Variants in CNTNAP2 observed in about 807,000 individuals in gnomAD.
CNTNAP2 encodes the protein contactin-associated protein-like 2.
CNTNAP2 carries 98 observed loss-of-function variants against 155.2 expected under a neutral mutation model. That is an observed-to-expected ratio of 0.63 (90% CI 0.54 to 0.75). The LOEUF (loss-of-function observed/expected upper bound fraction) is 0.75, where lower values mean the gene tolerates loss of function less well. Among genes scored for constraint, CNTNAP2 ranks in the 30% least tolerant of loss-of-function variants. The probability of loss-of-function intolerance (pLI) is 0.00; values close to 1 mark genes in which losing one functional copy is unlikely to be tolerated. For missense variants in CNTNAP2, 1,727 were observed against 1,688.1 expected, an observed-to-expected ratio of 1.02 and a Z score of -0.40; for synonymous variants, 651 against 631.2, an observed-to-expected ratio of 1.03 and a Z score of -0.47.
chr7:146,578,585 T>C (rs534382716), intron 1 of CNTNAP2, among the ~76,000 whole-genome samples: 7 of 152,316 alleles, frequency 4.6e-5, no homozygotes, highest in African/African-American at 1.7e-4. Context: ...AATTTATTTC[T>C]ACTATATTTT....
At chr7:147,367,825 AGT>A (rs1455973071) in intron 9 of CNTNAP2, among the ~76,000 whole-genome samples, 1 of 152,044 alleles carries the variant, frequency 6.6e-6, no homozygotes, top group African/African-American at 2.4e-5. Context: ...AAGCCTGAAA[AGT>A]GGGAATCCTA....
At chr7:146,503,985 G>C (rs1266793833) in intron 1 of CNTNAP2, among the ~76,000 whole-genome samples, 2 of 152,162 alleles carry the variant, frequency 1.3e-5, no homozygotes, top group African/African-American at 4.8e-5. Flanking sequence ...GACAACAGTG[G>C]CTCAAAGCCA....
intron 1 of CNTNAP2, among the ~76,000 whole-genome samples, chr7:146,587,557 A>G (rs1798713010): frequency 6.6e-6 from 1 of 152,196 alleles, no homozygotes; most frequent in South Asian, 2.1e-4. Flanking sequence ...TATTTGGAAT[A>G]CCACCACAAA....
At chr7:146,763,622 T>C (rs748649362) in intron 1 of CNTNAP2, among the ~76,000 whole-genome samples, 4 of 152,160 alleles carry the variant, frequency 2.6e-5, no homozygotes, top group African/African-American at 9.7e-5. Flanking sequence ...TATATGTTAA[T>C]TGAAGAACAT....
intron 14 of CNTNAP2, among the ~76,000 whole-genome samples, chr7:147,906,025 C>T (rs1469849704): frequency 1.3e-5 from 2 of 152,022 alleles, no homozygotes; most frequent in African/African-American, 2.4e-5. Context: ...AAAGCAAGGG[C>T]CCTGGGACAC....
intron 8 of CNTNAP2, among the ~76,000 whole-genome samples, chr7:147,244,489 A>G (rs1804013317): frequency 3.3e-5 from 5 of 152,210 alleles, no homozygotes; most frequent in Admixed American, 3.3e-4. Context: ...TCTTGACAAT[A>G]TAAAGCAGTC....
At chr7:147,506,218 G>A (rs1003321125) in intron 11 of CNTNAP2, among the ~76,000 whole-genome samples, 9 of 152,048 alleles carry the variant, frequency 5.9e-5, no homozygotes, top group Non-Finnish European at 8.8e-5. Context: ...CCAAAGGCTC[G>A]GGTCCTTCAA....
intron 14 of CNTNAP2, among the ~76,000 whole-genome samples, chr7:147,920,798 C>T (rs969492801): frequency 1.4e-5 from 2 of 148,146 alleles, no homozygotes; most frequent in African/African-American, 5.0e-5. Context: ...TGTGCTTCTG[C>T]TCCTGTCTTT....
intron 1 of CNTNAP2, among the ~76,000 whole-genome samples, chr7:146,140,729 A>G (rs1797864621): frequency 6.6e-6 from 1 of 152,092 alleles, no homozygotes; most frequent in Admixed American, 6.6e-5. Context: ...TCTCTACATC[A>G]CAAACAACCA....
intron 11 of CNTNAP2, among the ~76,000 whole-genome samples, chr7:147,520,501 C>T (rs760274715): frequency 8.5e-5 from 13 of 152,192 alleles, no homozygotes; most frequent in Non-Finnish European, 1.6e-4. Flanking sequence ...GCTTCATGCT[C>T]TGTCCATTAG....
chr7:146,939,164 G>GA (rs1445717560), intron 3 of CNTNAP2, among the ~76,000 whole-genome samples: 4 of 152,178 alleles, frequency 2.6e-5, no homozygotes, highest in South Asian at 2.1e-4. Context: ...CCCCAAATGA[G>GA]AAAAAATGCA....
intron 13 of CNTNAP2, among the ~76,000 whole-genome samples, chr7:147,875,056 C>T (rs371030023): frequency 3.9e-5 from 6 of 152,316 alleles, no homozygotes; most frequent in African/African-American, 1.2e-4. Flanking sequence ...TCCAAACTTT[C>T]CTACATCGTC....
chr7:146,920,314 T>G (rs918667889), intron 3 of CNTNAP2, among the ~76,000 whole-genome samples: 1 of 151,896 alleles, frequency 6.6e-6, no homozygotes, highest in Non-Finnish European at 1.5e-5. Context: ...TTCAGGAGGT[T>G]GAGGCAGGAG....
At chr7:147,795,724 G>A (rs1044930745) in intron 13 of CNTNAP2, among the ~76,000 whole-genome samples, 1 of 152,080 alleles carries the variant, frequency 6.6e-6, no homozygotes, top group Non-Finnish European at 1.5e-5. Flanking sequence ...AGAAATCTGG[G>A]TTTTAATTCT....
chr7:147,578,508 G>A (rs774260429), intron 12 of CNTNAP2, among the ~76,000 whole-genome samples: 2 of 152,016 alleles, frequency 1.3e-5, no homozygotes, highest in Non-Finnish European at 2.9e-5. Context: ...TAAAGGAAAC[G>A]AAATAAGAAT....
chr7:146,655,208 T>C (rs1392660857), intron 1 of CNTNAP2, among the ~76,000 whole-genome samples: 1 of 150,464 alleles, frequency 6.6e-6, no homozygotes, highest in African/African-American at 2.4e-5. Flanking sequence ...AGGTCAGGAG[T>C]TCAAGACCAG....
chr7:146,119,434 A>G (rs1027522830), intron 1 of CNTNAP2, among the ~76,000 whole-genome samples: 3 of 152,140 alleles, frequency 2.0e-5, no homozygotes, highest in Admixed American at 2.0e-4. Flanking sequence ...AAACTTGAAA[A>G]CAAAGCTCAT....
intron 19 of CNTNAP2, among the ~76,000 whole-genome samples, chr7:148,223,482 C>G (rs1260237165): frequency 2.0e-5 from 3 of 152,130 alleles, no homozygotes; most frequent in African/African-American, 7.2e-5. Context: ...AAAGAGAAGT[C>G]CCTTATAACT....
At chr7:148,263,219 A>G (rs1796594133) in intron 20 of CNTNAP2, 1 of 152,022 alleles carries the variant, frequency 6.6e-6, no homozygotes, top group South Asian at 2.1e-4. Flanking sequence ...CACTTCTCAT[A>G]TTTTCCTAAC....
Sources: gnomAD v4.1 joint callset for allele counts (sites outside exome capture counted in the v4.1 genomes callset) on GRCh38, gnomAD v4.1.1 for gene constraint, MANE v1.5 for transcripts, NCBI Gene and HGNC (gene_info 2026-07-23, HGNC 2026-07-21) for gene names.